Variants in SH3BGRL2 observed in about 807,000 individuals in gnomAD.
SH3BGRL2 encodes the protein SH3 domain-binding glutamic acid-rich-like protein 2.
SH3BGRL2 carries 21 observed loss-of-function variants against 14.8 expected under a neutral mutation model. The observed-to-expected ratio is 1.42, with a 90% CI of 1.01 to 2.05. The LOEUF (loss-of-function observed/expected upper bound fraction) is 2.05. SH3BGRL2 is among the 30% of genes most tolerant of loss of function. The probability of loss-of-function intolerance (pLI) is 0.00; values close to 1 mark genes in which losing one functional copy is unlikely to be tolerated. For missense variants in SH3BGRL2, 147 were observed against 130.8 expected, an observed-to-expected ratio of 1.12 and a Z score of -0.61; for synonymous variants, 50 against 47.8, an observed-to-expected ratio of 1.05 and a Z score of -0.19.
chr6:79,578,710 G>T, the SH3BGRL2 span, among the ~76,000 whole-genome samples: 1 of 152,044 alleles, frequency 6.6e-6, no homozygotes, highest in African/African-American at 2.4e-5. Context: ...GAGCAGAAAA[G>T]CTGAAAATTC....
the SH3BGRL2 span, among the ~76,000 whole-genome samples, chr6:79,577,682 G>A: frequency 4.6e-5 from 7 of 152,128 alleles, no homozygotes; most frequent in African/African-American, 1.2e-4. Context: ...GAAGAGCTCC[G>A]GTCTGCAGCT....
intron 1 of SH3BGRL2, among the ~76,000 whole-genome samples, chr6:79,665,393 A>G (rs1462856360): frequency 6.6e-6 from 1 of 152,134 alleles, no homozygotes; most frequent in Non-Finnish European, 1.5e-5. Flanking sequence ...CCTTCCCCAA[A>G]ACATTTGTTA....
In SH3BGRL2 at chr6:79,692,609, A is replaced by T. The variant is rs565256999; in HGVS notation, c.232-3876A>T. On this transcript the variant is annotated intron_variant, in intron 2 of 3. Transcript: ENST00000369838. ...GTTTTCCCAGCACCATTTATTAAATAGAGACTCCTTTCCCCATTTCTTGTT... is the reference window on the plus strand; with the variant it reads ...GTTTTCCCAGCACCATTTATTAAATTGAGACTCCTTTCCCCATTTCTTGTT... 9.0e-4 allele frequency among the ~76,000 whole-genome samples: 137 copies of T among 152,352 alleles called. 1 individual carries two copies. Among genetic ancestry groups the T allele is most frequent in the African/African-American group, 3.2e-3 (134 of 41,580 alleles).
intron 1 of SH3BGRL2, among the ~76,000 whole-genome samples, chr6:79,659,354 A>G (rs1769491767): frequency 6.6e-6 from 1 of 152,198 alleles, no homozygotes. Flanking sequence ...CTTTCTACAT[A>G]TGGCTAGCCA....
the SH3BGRL2 span, among the ~76,000 whole-genome samples, chr6:79,544,836 T>G: frequency 6.6e-6 from 1 of 152,242 alleles, no homozygotes; most frequent in Non-Finnish European, 1.5e-5. Context: ...TCAGCTACTT[T>G]AGGGATGATT....
At chr6:79,573,879 T>C in the SH3BGRL2 span, 2 of 152,224 alleles carry the variant, frequency 1.3e-5, no homozygotes, top group Admixed American at 1.3e-4. Context: ...AATTAATTTT[T>C]TGCAAATAAC....
the SH3BGRL2 span, chr6:79,574,238 A>G: frequency 6.6e-6 from 1 of 152,192 alleles, no homozygotes; most frequent in Non-Finnish European, 1.5e-5. Context: ...AAATGACAGG[A>G]CAAAGGAAAG....
At chr6:79,561,290 A>G in the SH3BGRL2 span, 3 of 152,036 alleles carry the variant, frequency 2.0e-5, no homozygotes, top group South Asian at 4.1e-4. Context: ...TAATATCTCA[A>G]ATATTTTCAA....
chr6:79,614,908 T>C, the SH3BGRL2 span, among the ~76,000 whole-genome samples: 1 of 152,118 alleles, frequency 6.6e-6, no homozygotes, highest in Non-Finnish European at 1.5e-5. Context: ...TTGGTGAGAC[T>C]CTGGGAGTAG....
At chr6:79,644,131 T>C (rs78120292) in intron 1 of SH3BGRL2, among the ~76,000 whole-genome samples, 2,558 of 152,298 alleles carry the variant, frequency 0.017, 70 homozygotes, top group African/African-American at 0.059. Context: ...CCTCATCCTT[T>C]ACATCTTGAA....
chr6:79,686,294 G>T lies in SH3BGRL2; in HGVS notation c.232-10191G>T, dbSNP rs536926237. Among the ~76,000 whole-genome samples the T allele has an allele frequency of 1.6e-4, 24 of 152,264 alleles. No homozygotes were observed. In the South Asian group the frequency reaches 1.9e-3, roughly 12 times the overall value. On this transcript the variant is annotated intron_variant, in intron 2 of 3. Transcript: ENST00000369838. ...AGTGTCTTTTTTCACTTGAGAGCAA[G>T]TTCTGTTATTTCTTTGCCCTTTTTC...
the SH3BGRL2 span, among the ~76,000 whole-genome samples, chr6:79,586,196 CAAA>C: frequency 5.9e-5 from 3 of 50,846 alleles, no homozygotes; most frequent in Non-Finnish European, 7.7e-5. Flanking sequence ...AACTCTGTCT[CAAA>C]AAAAAAAAAA....
At chr6:79,545,330 G>A in the SH3BGRL2 span, among the ~76,000 whole-genome samples, 4 of 152,156 alleles carry the variant, frequency 2.6e-5, no homozygotes, top group African/African-American at 9.7e-5. Context: ...TGAAAAATAA[G>A]CTGCTTTTCA....
At chr6:79,692,537 G>T (rs1189483711) in intron 2 of SH3BGRL2, among the ~76,000 whole-genome samples, 2 of 152,126 alleles carry the variant, frequency 1.3e-5, no homozygotes, top group Admixed American at 1.3e-4. Context: ...TTTTGTATAA[G>T]GTGTAAGGAA....
At chr6:79,540,203 G>A in the SH3BGRL2 span, among the ~76,000 whole-genome samples, 1 of 151,998 alleles carries the variant, frequency 6.6e-6, no homozygotes, top group African/African-American at 2.4e-5. Context: ...GGGAGGCCAA[G>A]GTGGGTGGAT....
chr6:79,540,602 A>G, the SH3BGRL2 span, among the ~76,000 whole-genome samples: 5 of 152,144 alleles, frequency 3.3e-5, no homozygotes, highest in Non-Finnish European at 5.9e-5. Context: ...TAAAGGATAC[A>G]GTTTCTGATC....
In SH3BGRL2 at chr6:79,642,518, G is replaced by T. The variant is rs75235576; in HGVS notation, c.45+11012G>T. Among the ~76,000 whole-genome samples the T allele has an allele frequency of 9.1e-3, 1,378 of 152,166 alleles. 11 individuals are homozygous for T. The highest frequency in any genetic ancestry group is 0.014 in the Non-Finnish European group (961 of 67,994). On this transcript the variant is annotated intron_variant, in intron 1 of 3. Coordinates refer to ENST00000369838, the MANE Select transcript of SH3BGRL2 (RefSeq NM_031469.4). ...TTGGATAGTAGCTGCCTGGAGAGCCGGGAGAGGGGTTTTGGAGCCTTGATT... is the reference window on the plus strand; with the variant it reads ...TTGGATAGTAGCTGCCTGGAGAGCCTGGAGAGGGGTTTTGGAGCCTTGATT...
chr6:79,541,793 C>A, the SH3BGRL2 span, among the ~76,000 whole-genome samples: 1,633 of 152,224 alleles, frequency 0.011, 36 homozygotes, highest in African/African-American at 0.038. Context: ...CTGGACAAAG[C>A]TAATAGATGT....
At chr6:79,665,029 G>A (rs1222090432) in intron 1 of SH3BGRL2, among the ~76,000 whole-genome samples, 10 of 152,068 alleles carry the variant, frequency 6.6e-5, no homozygotes, top group Admixed American at 3.9e-4. Flanking sequence ...GTGAAACCTC[G>A]TCTCTACTAA....
Sources: gnomAD v4.1 joint callset for allele counts (sites outside exome capture counted in the v4.1 genomes callset) on GRCh38, gnomAD v4.1.1 for gene constraint, MANE v1.5 for transcripts, NCBI Gene and HGNC (gene_info 2026-07-23, HGNC 2026-07-21) for gene names.